Variants in BLTP1 observed in about 807,000 individuals in gnomAD.
BLTP1 encodes the protein bridge-like lipid transfer protein family member 1, also known as fragile site-associated protein.
chr4:122,162,211 T>C, the BLTP1 span, among the ~76,000 whole-genome samples: 1 of 152,254 alleles, frequency 6.6e-6, no homozygotes. Context: ...GGTTATATTG[T>C]ACTTTCTATG....
chr4:122,336,955 G>T, the BLTP1 span: 20 of 1,612,198 alleles, frequency 1.2e-5, no homozygotes, highest in Non-Finnish European at 1.7e-5. Flanking sequence ...AACATCACTA[G>T]TGTCGTCTTC....
chr4:122,217,487 TGAATA>T, the BLTP1 span, among the ~76,000 whole-genome samples: 1 of 152,022 alleles, frequency 6.6e-6, no homozygotes, highest in Non-Finnish European at 1.5e-5. Context: ...ACCCAATTGT[TGAATA>T]GGTTTTTGTT....
chr4:122,177,170 C>T, the BLTP1 span, among the ~76,000 whole-genome samples: 7 of 152,292 alleles, frequency 4.6e-5, no homozygotes, highest in South Asian at 2.1e-4. Flanking sequence ...ACCTACCCCA[C>T]GGTATTTTCC....
chr4:122,187,292 T>G, the BLTP1 span: 1 of 1,414,804 alleles, frequency 7.1e-7, no homozygotes, highest in Non-Finnish European at 9.2e-7. Context: ...ATGATCATTG[T>G]TCTGTTTACT....
chr4:122,304,827 A>G, the BLTP1 span: 7 of 1,613,898 alleles, frequency 4.3e-6, no homozygotes, highest in Non-Finnish European at 5.9e-6. Context: ...CTACTCCATC[A>G]ATGAGAGCTG....
chr4:122,218,540 A>G, the BLTP1 span, among the ~76,000 whole-genome samples: 1 of 152,212 alleles, frequency 6.6e-6, no homozygotes, highest in African/African-American at 2.4e-5. Flanking sequence ...TAGTCAGAAG[A>G]TAATTTTGTC....
At chr4:122,278,443 CTT>C in the BLTP1 span, among the ~76,000 whole-genome samples, 1 of 152,154 alleles carries the variant, frequency 6.6e-6, no homozygotes, top group Non-Finnish European at 1.5e-5. Flanking sequence ...CAGAATTGCT[CTT>C]GTTTGACAAG....
At chr4:122,157,002 T>C in the BLTP1 span, among the ~76,000 whole-genome samples, 64 of 152,208 alleles carry the variant, frequency 4.2e-4, 1 homozygote, top group Non-Finnish European at 3.2e-4. Context: ...AATGGTTCAC[T>C]CTTGTAATCA....
At chr4:122,274,411 C>T in the BLTP1 span, 1 of 1,605,460 alleles carries the variant, frequency 6.2e-7, no homozygotes. Flanking sequence ...TATTGTGCTG[C>T]TTGAAGGGAT....
chr4:122,169,663 G>A, the BLTP1 span: 2 of 960,474 alleles, frequency 2.1e-6, no homozygotes, highest in Non-Finnish European at 1.2e-6. Flanking sequence ...TACTGTGTGT[G>A]CATATATACA....
the BLTP1 span, chr4:122,309,254 T>C: frequency 6.2e-7 from 1 of 1,602,504 alleles, no homozygotes. Flanking sequence ...TCTTCTTTAA[T>C]ATATTTTGCA....
the BLTP1 span, chr4:122,214,382 C>G: frequency 1.0e-6 from 1 of 954,120 alleles, no homozygotes; most frequent in Non-Finnish European, 1.2e-6. Context: ...CACATTTTCT[C>G]GGTTCTATAA....
chr4:122,264,802 T>C, the BLTP1 span, among the ~76,000 whole-genome samples: 1 of 152,154 alleles, frequency 6.6e-6, no homozygotes, highest in Non-Finnish European at 1.5e-5. Context: ...TAAAAAACTA[T>C]AGATGTAGAA....
At chr4:122,197,751 T>G in the BLTP1 span, among the ~76,000 whole-genome samples, 1 of 152,152 alleles carries the variant, frequency 6.6e-6, no homozygotes, top group Non-Finnish European at 1.5e-5. Flanking sequence ...AATAAACATT[T>G]CATGTTAAAA....
At chr4:122,205,674 C>T in the BLTP1 span, among the ~76,000 whole-genome samples, 1 of 141,382 alleles carries the variant, frequency 7.1e-6, no homozygotes, top group South Asian at 2.2e-4. Flanking sequence ...GTGTCAAAGT[C>T]TGTGCTATAA....
At chr4:122,309,253 A>G in the BLTP1 span, 1 of 1,602,396 alleles carries the variant, frequency 6.2e-7, no homozygotes, top group East Asian at 2.2e-5. Context: ...TTCTTCTTTA[A>G]TATATTTTGC....
the BLTP1 span, chr4:122,175,849 G>A: frequency 1.9e-6 from 3 of 1,567,530 alleles, no homozygotes; most frequent in Non-Finnish European, 2.6e-6. Flanking sequence ...CCCTTTCTTA[G>A]GATTCAAGAT....
the BLTP1 span, chr4:122,194,558 T>C: frequency 1.1e-6 from 1 of 939,678 alleles, no homozygotes; most frequent in Non-Finnish European, 1.3e-6. Flanking sequence ...ATTTAAACTA[T>C]ATTGAGAAAT....
the BLTP1 span, chr4:122,226,977 T>C: frequency 1.1e-5 from 7 of 656,158 alleles, no homozygotes; most frequent in Non-Finnish European, 1.3e-5. Flanking sequence ...ATTTTTTAAA[T>C]TCTTACCCAT....
Sources: gnomAD v4.1 joint callset for allele counts (sites outside exome capture counted in the v4.1 genomes callset) on GRCh38, gnomAD v4.1.1 for gene constraint, MANE v1.5 for transcripts, NCBI Gene and HGNC (gene_info 2026-07-23, HGNC 2026-07-21) for gene names.